The following GTPBP3 variants were observed in gnomAD, a reference collection of about 807,000 sequenced individuals.
The protein encoded by GTPBP3 is GTP binding protein 3, mitochondrial.
A neutral mutation model predicts 42.0 loss-of-function variants in GTPBP3; 35 were observed. The observed-to-expected ratio is 0.83, with a 90% CI of 0.64 to 1.10. The LOEUF is 1.10. GTPBP3 is among the 50% of genes least tolerant of loss of function. GTPBP3 has a pLI of 0.00. For synonymous variants in GTPBP3, 332 were observed against 314.9 expected (o/e 1.05, Z -0.58); for missense variants, 691 against 685.2 (o/e 1.01, Z -0.09).
chr19:17,339,718 T>G, intron 7 of GTPBP3, 119 bp downstream of exon 7: 1 of 960,028 alleles, frequency 1.0e-6, no homozygotes. Context: ...CTATCAAGCA[T>G]GGATCTCAGG....
Position 17,341,175 on chromosome 19 carries a change from T to G in GTPBP3, c.1106T>G (p.Leu369Arg). The part of the protein sequence containing the change: ...AQSPSDSSQR[L>R]LLVLNKSDLL... ...AGCCCCAGTGACAGCAGCCAGCGCCTCCTCCTGGTGCTGAACAAGTCGGAC... is the reference window on the plus strand; with the variant it reads ...AGCCCCAGTGACAGCAGCCAGCGCCGCCTCCTGGTGCTGAACAAGTCGGAC... Residue 369 changes from leucine (L) to arginine (R), a missense_variant, in exon 8 of 9, where the codon CTC becomes CGC. Coordinates refer to ENST00000324894, the MANE Select transcript of GTPBP3 (RefSeq NM_032620.4). The G allele has an allele frequency of 1.9e-6, 3 of 1,612,458 alleles. No homozygotes were observed. Among genetic ancestry groups the G allele is most frequent in the Non-Finnish European group, 2.5e-6 (3 of 1,179,962 alleles).
At chr19:17,335,022 T>C, upstream of GTPBP3, 1 of 1,536,060 alleles carries the variant, frequency 6.5e-7, no homozygotes, top group Non-Finnish European at 8.7e-7. Context: ...TTCTCCAACT[T>C]GTCCCCACCC....
In GTPBP3 at chr19:17,338,218, G is replaced by A; in HGVS notation, c.264G>A (p.Gly88=). 1 of 1,582,700 alleles carries A rather than the reference G, an allele frequency of 6.3e-7. No homozygotes were observed. The change falls in exon 2 of 9, where the codon GGG becomes GGA. Residue 88 remains glycine, a synonymous_variant. Coordinates refer to ENST00000324894, the MANE Select transcript of GTPBP3 (RefSeq NM_032620.4). ...GCCTGCTCAGCGATCCCCGCTCCGG[G>A]GAGCCTCTGGACCGCGCACTGGTGC... ...SLRLLSDPRS[G]EPLDRALVLW... is the part of the protein sequence containing the mutation.
upstream of GTPBP3, chr19:17,335,143 C>CG: frequency 6.5e-7 from 1 of 1,534,272 alleles, no homozygotes; most frequent in Non-Finnish European, 8.7e-7. Context: ...TAAGGGAGGA[C>CG]GTGGGAGGGG....
At position 17,340,902 on chromosome 19, in the gene GTPBP3, C is replaced by T. The variant is rs1384371416; in HGVS notation, c.975-142C>T. The T allele has an allele frequency of 1.0e-5, 8 of 786,658 alleles. No homozygotes were observed. The Admixed American group carries it at 1.2e-4, about 12-fold the overall frequency. 48.7% of individuals were successfully genotyped at this position (786,658 alleles called of 1,614,324 possible). A position where few individuals can be genotyped will look rare whatever the true frequency, so the allele number is the denominator to read the frequency against. On this transcript the variant is annotated intron_variant, in intron 7 of 8. Transcript: ENST00000324894. ...CTTGGGCCCCCAACATTCTGCCGGT[C>T]CCCTGGTACTCTACTCCTCCCTCCC...
At chr19:17,337,913 C>CA (rs753843352) in intron 1 of GTPBP3, 95 bp from the exon 2 acceptor site, 3 of 1,493,752 alleles carry the variant, frequency 2.0e-6, no homozygotes, top group Middle Eastern at 2.4e-4. Flanking sequence ...AGAACCCCCC[C>CA]ACCTGGAGCA....
intron 7 of GTPBP3, 78 bp from the exon 8 acceptor site, chr19:17,340,966 C>A: frequency 6.6e-7 from 1 of 1,508,018 alleles, no homozygotes; most frequent in Non-Finnish European, 9.0e-7. Flanking sequence ...CTCTGCCTGG[C>A]CCCTCTAACT....
upstream of GTPBP3, chr19:17,335,050 C>T (rs895063663): frequency 2.0e-6 from 3 of 1,535,992 alleles, no homozygotes; most frequent in Non-Finnish European, 2.6e-6. Flanking sequence ...CTTCTGGTCC[C>T]CGCCTCGGAG....
In GTPBP3 at chr19:17,340,763, T is replaced by C. The variant is rs1410542171; in HGVS notation, c.975-281T>C. 9.0e-5 allele frequency among the ~76,000 whole-genome samples: 13 copies of C among 143,948 alleles called. No individual in the cohort carries two copies. In the East Asian group the frequency reaches 2.5e-3, roughly 28 times the overall value. 94.4% of individuals were successfully genotyped at this position (143,948 alleles called of 152,430 possible). A position where few individuals can be genotyped will look rare whatever the true frequency, so the allele number is the denominator to read the frequency against. ...CTGCCCTGCCCTACTCACTGCACTG[T>C]GCCCAGCCCCTCCTGCTCTGCCCCG... On this transcript the variant is annotated intron_variant, in intron 7 of 8. Coordinates refer to ENST00000324894, the MANE Select transcript of GTPBP3 (RefSeq NM_032620.4).
upstream of GTPBP3, chr19:17,337,425 T>G (rs542425890): frequency 4.2e-6 from 5 of 1,189,994 alleles, no homozygotes; most frequent in East Asian, 3.2e-5. Context: ...CCGCTCCCGC[T>G]CTCCCTTGCA....
At chr19:17,335,160 G>A (rs970110364), upstream of GTPBP3, 16 of 1,534,798 alleles carry the variant, frequency 1.0e-5, 1 homozygote, top group South Asian at 2.4e-5. Flanking sequence ...GGGGCGGGCC[G>A]GTTGGGGAAG....
intron 3 of GTPBP3, 37 bp downstream of exon 3, chr19:17,338,488 C>T (rs2074390900): frequency 6.2e-7 from 1 of 1,613,230 alleles, no homozygotes; most frequent in African/African-American, 1.3e-5. Flanking sequence ...TTGGTCCTCC[C>T]AATGGGCCTG....
At chr19:17,341,379 C>T in intron 8 of GTPBP3, 57 bp downstream of exon 8, 1 of 1,552,218 alleles carries the variant, frequency 6.4e-7, no homozygotes, top group South Asian at 1.2e-5. Context: ...GTGGGTCCCT[C>T]AACTTCAATT....
upstream of GTPBP3, among the ~76,000 whole-genome samples, chr19:17,335,639 T>C (rs1012150683): frequency 2.6e-5 from 4 of 152,180 alleles, no homozygotes; most frequent in African/African-American, 9.7e-5. Flanking sequence ...TAAAAAATTA[T>C]TCATTGTTTA....
At position 17,341,473 on chromosome 19, in the gene GTPBP3, TCCAGGTGTG is replaced by T; in HGVS notation, c.1254-4_1258del. 1 of 1,606,310 alleles carries T rather than the reference TCCAGGTGTG, an allele frequency of 6.2e-7. No homozygotes were observed. Among genetic ancestry groups the T allele is most frequent in the Non-Finnish European group, 8.5e-7 (1 of 1,174,638 alleles). ...GGGAGAGACCATGTCTCTTGTCTCT[TCCAGGTGTG>T]GGGACCCGTCCACAGATCCCCCGCT... On this transcript the variant is annotated splice_acceptor_variant and splice_polypyrimidine_tract_variant and coding_sequence_variant and intron_variant, in exon 9 of 9. Coordinates refer to ENST00000324894, the MANE Select transcript of GTPBP3 (RefSeq NM_032620.4). LOFTEE classifies it high-confidence loss of function.
upstream of GTPBP3, chr19:17,335,091 C>A (rs2074355583): frequency 1.3e-6 from 2 of 1,536,100 alleles, no homozygotes; most frequent in East Asian, 2.4e-5. Flanking sequence ...AACTCCGGAC[C>A]CTGGAGACGC....
upstream of GTPBP3, chr19:17,337,550 C>T: frequency 7.7e-7 from 1 of 1,299,438 alleles, no homozygotes; most frequent in Non-Finnish European, 9.8e-7. Context: ...TGGGCGGGGC[C>T]CCCTGCCCAG....
chr19:17,340,317 G>T (rs1406404401), intron 7 of GTPBP3, among the ~76,000 whole-genome samples: 1 of 152,098 alleles, frequency 6.6e-6, no homozygotes, highest in African/African-American at 2.4e-5. Flanking sequence ...GATTACAGGC[G>T]TTAGCCACTG....
intron 7 of GTPBP3, 92 bp downstream of exon 7, chr19:17,339,691 A>G: frequency 2.3e-6 from 3 of 1,296,122 alleles, no homozygotes; most frequent in Non-Finnish European, 3.1e-6. Flanking sequence ...TTCCTGAATC[A>G]GAGAACCTGC....
Sources: allele counts gnomAD v4.1 joint callset (sites outside exome capture counted in the v4.1 genomes callset), GRCh38; gene constraint gnomAD v4.1.1; transcripts MANE v1.5; gene names NCBI Gene and HGNC (gene_info 2026-07-23, HGNC 2026-07-21).